Variants in CSMD1 observed in about 807,000 individuals in gnomAD.
CSMD1 encodes CUB and sushi domain-containing protein 1.
Under a neutral mutation model 417.5 loss-of-function variants are expected in CSMD1, and 213 were observed. That is an observed-to-expected ratio of 0.51 (90% CI 0.46 to 0.57). The LOEUF is 0.57. Among genes scored for constraint, CSMD1 ranks in the 20% least tolerant of loss-of-function variants. The probability of loss-of-function intolerance (pLI) is 0.00; values close to 1 mark genes in which losing one functional copy is unlikely to be tolerated. For missense variants in CSMD1, 6,923 were observed against 4,529.7 expected, an observed-to-expected ratio of 1.53 and a Z score of -15.17; for synonymous variants, 2,862 against 1,736.8, an observed-to-expected ratio of 1.65 and a Z score of -16.11.
intron 2 of CSMD1, among the ~76,000 whole-genome samples, chr8:4,582,269 C>T (rs1005665438): frequency 6.6e-6 from 1 of 152,162 alleles, no homozygotes; most frequent in South Asian, 2.1e-4. Context: ...TGGTCCCGGA[C>T]ATGATCTTCC....
chr8:2,951,361 G>C, intron 65 of CSMD1, 86 bp from the exon 66 acceptor site: 1 of 1,341,016 alleles, frequency 7.5e-7, no homozygotes, highest in Non-Finnish European at 1.0e-6. Context: ...GCATCATACT[G>C]CTTAGCGAGC....
At chr8:3,561,949 G>C (rs1260731560) in intron 10 of CSMD1, among the ~76,000 whole-genome samples, 3 of 152,302 alleles carry the variant, frequency 2.0e-5, no homozygotes, top group African/African-American at 4.8e-5. Flanking sequence ...CCCGTGAGCT[G>C]CGTGTGCCTG....
chr8:3,587,587 A>T (rs544200311), intron 8 of CSMD1, among the ~76,000 whole-genome samples: 2 of 152,286 alleles, frequency 1.3e-5, no homozygotes, highest in East Asian at 3.9e-4. Context: ...TCATTCAAGT[A>T]ACATCGCACC....
intron 1 of CSMD1, among the ~76,000 whole-genome samples, chr8:4,851,807 G>A (rs1563588035): frequency 6.6e-6 from 1 of 152,232 alleles, no homozygotes; most frequent in East Asian, 1.9e-4. Context: ...TAACTTGTGT[G>A]ATTAAATGTT....
chr8:3,702,889 C>G (rs373785256), intron 7 of CSMD1, among the ~76,000 whole-genome samples: 1 of 152,164 alleles, frequency 6.6e-6, no homozygotes, highest in Non-Finnish European at 1.5e-5. Flanking sequence ...AAATAATCTA[C>G]TTTCAGAATA....
intron 3 of CSMD1, among the ~76,000 whole-genome samples, chr8:4,303,909 C>G (rs1798115234): frequency 6.6e-6 from 1 of 152,070 alleles, no homozygotes; most frequent in African/African-American, 2.4e-5. Flanking sequence ...CCTGCCTCAG[C>G]CTCTCAGTAC....
chr8:4,190,534 A>G (rs1016162714), intron 3 of CSMD1, among the ~76,000 whole-genome samples: 3 of 119,094 alleles, frequency 2.5e-5, no homozygotes, highest in African/African-American at 3.1e-5. Flanking sequence ...TTTTACATAC[A>G]CATATAAGCT....
chr8:3,993,989 C>T (rs544398287), intron 5 of CSMD1, among the ~76,000 whole-genome samples: 3 of 152,226 alleles, frequency 2.0e-5, no homozygotes, highest in East Asian at 3.9e-4. Flanking sequence ...CAGGGGCAAA[C>T]TGCAAGGGGA....
chr8:3,892,530 G>C (rs1444832296), intron 5 of CSMD1, among the ~76,000 whole-genome samples: 7 of 46,806 alleles, frequency 1.5e-4, no homozygotes, highest in Admixed American at 1.4e-3. Flanking sequence ...GAGGAATTTT[G>C]CAAAAATAAT....
intron 12 of CSMD1, among the ~76,000 whole-genome samples, chr8:3,458,632 G>C (rs1816304227): frequency 6.6e-6 from 1 of 152,176 alleles, no homozygotes. Flanking sequence ...AACGCTAGTT[G>C]GCCTAGCTGG....
intron 48 of CSMD1, among the ~76,000 whole-genome samples, chr8:3,090,290 C>T (rs1468745355): frequency 8.1e-6 from 1 of 123,390 alleles, no homozygotes; most frequent in African/African-American, 3.1e-5. Flanking sequence ...GCACTCCAGC[C>T]TGGGCAACAG....
At chr8:4,348,326 G>C (rs1800894094) in intron 3 of CSMD1, among the ~76,000 whole-genome samples, 1 of 152,012 alleles carries the variant, frequency 6.6e-6, no homozygotes, top group South Asian at 2.1e-4. Context: ...AAGAGTGTGA[G>C]GCCACAGCAG....
At chr8:3,671,789 C>T (rs1211853120) in intron 7 of CSMD1, among the ~76,000 whole-genome samples, 4 of 151,784 alleles carry the variant, frequency 2.6e-5, no homozygotes, top group Non-Finnish European at 4.4e-5. Context: ...TTGGAAAGAG[C>T]AGCCCTGGGC....
chr8:3,778,087 G>A (rs532071181), intron 5 of CSMD1, among the ~76,000 whole-genome samples: 1 of 152,226 alleles, frequency 6.6e-6, no homozygotes, highest in Non-Finnish European at 1.5e-5. Context: ...GAGTTTGAGA[G>A]CTGCTGGCCC....
intron 3 of CSMD1, among the ~76,000 whole-genome samples, chr8:4,190,014 T>G (rs1291334507): frequency 6.6e-6 from 1 of 151,900 alleles, no homozygotes; most frequent in Non-Finnish European, 1.5e-5. Context: ...ATCCCAGCAC[T>G]TTGGGAGGCC....
intron 10 of CSMD1, among the ~76,000 whole-genome samples, chr8:3,557,898 G>C (rs934722712): frequency 1.2e-4 from 18 of 152,142 alleles, no homozygotes; most frequent in Non-Finnish European, 1.9e-4. Context: ...CAGATAATAA[G>C]TTATACGGTC....
At chr8:4,247,774 T>G (rs1040608353) in intron 3 of CSMD1, among the ~76,000 whole-genome samples, 2 of 152,156 alleles carry the variant, frequency 1.3e-5, no homozygotes, top group Non-Finnish European at 2.9e-5. Flanking sequence ...AACTTTAAAA[T>G]AGAATCTGAA....
At chr8:3,789,878 C>A (rs1351501592) in intron 5 of CSMD1, among the ~76,000 whole-genome samples, 3 of 151,926 alleles carry the variant, frequency 2.0e-5, no homozygotes, top group Non-Finnish European at 4.4e-5. Context: ...ACTACAGCTG[C>A]CCACCACCAC....
At chr8:4,670,904 G>C (rs1805255608) in intron 1 of CSMD1, among the ~76,000 whole-genome samples, 1 of 152,184 alleles carries the variant, frequency 6.6e-6, no homozygotes. Flanking sequence ...GGAAATTTTA[G>C]TGACAAGGAT....
Sources: allele counts gnomAD v4.1 joint callset (sites outside exome capture counted in the v4.1 genomes callset), GRCh38; gene constraint gnomAD v4.1.1; transcripts MANE v1.5; gene names NCBI Gene and HGNC (gene_info 2026-07-23, HGNC 2026-07-21).